The following UGGT2 variants were observed in gnomAD, a reference collection of about 807,000 sequenced individuals.
UGGT2 encodes the protein UDP-glucose:glycoprotein glucosyltransferase 2.
In UGGT2, 180 loss-of-function variants were observed where a neutral mutation model predicts 192.1. That is an observed-to-expected ratio of 0.94 (90% CI 0.83 to 1.06). UGGT2 has a LOEUF of 1.06. Among genes scored for constraint, UGGT2 ranks in the 50% least tolerant of loss-of-function variants. UGGT2 has a pLI of 0.00. For synonymous variants in UGGT2, 580 were observed against 591.0 expected (o/e 0.98, Z 0.27); for missense variants, 1,849 against 1,795.7 (o/e 1.03, Z -0.54).
At chr13:95,921,775 A>G (rs1029987823) in intron 20 of UGGT2, among the ~76,000 whole-genome samples, 9 of 152,168 alleles carry the variant, frequency 5.9e-5, no homozygotes, top group African/African-American at 1.9e-4. Context: ...AAGTCAAAAA[A>G]ATAACAGATG....
intron 1 of UGGT2, among the ~76,000 whole-genome samples, chr13:96,036,514 T>C (rs2053007929): frequency 6.6e-6 from 1 of 151,742 alleles, no homozygotes; most frequent in Non-Finnish European, 1.5e-5. Flanking sequence ...CATTTACCTA[T>C]GTAACAAACC....
At position 95,856,351 on chromosome 13, in the gene UGGT2, A is replaced by G. The variant is rs1347810385; in HGVS notation, c.3826-11T>C. The G allele has an allele frequency of 6.3e-7, 1 of 1,596,524 alleles. No homozygotes were observed. The highest frequency in any genetic ancestry group is 1.2e-5 in the South Asian group (1 of 86,534). On this transcript the variant is annotated splice_polypyrimidine_tract_variant and intron_variant, in intron 33 of 38. Transcript: ENST00000376747. ...GTGAGGAATTACTTCCTAAAAACAC[A>G]CACACAAAATCAAACAATATGTTCA...
At chr13:95,859,004 T>C (rs957375032) in intron 33 of UGGT2, among the ~76,000 whole-genome samples, 1 of 152,132 alleles carries the variant, frequency 6.6e-6, no homozygotes, top group Non-Finnish European at 1.5e-5. Flanking sequence ...GACACTAAAT[T>C]TCACGGAATT....
At chr13:96,047,175 A>G (rs1295666509) in intron 1 of UGGT2, among the ~76,000 whole-genome samples, 1 of 152,196 alleles carries the variant, frequency 6.6e-6, no homozygotes, top group African/African-American at 2.4e-5. Flanking sequence ...TGCCTCCTCA[A>G]GTGGATCCCT....
chr13:95,889,710 T>C (rs891966597), intron 25 of UGGT2, among the ~76,000 whole-genome samples: 4 of 152,222 alleles, frequency 2.6e-5, no homozygotes, highest in Admixed American at 2.6e-4. Flanking sequence ...TTTTGGAGAC[T>C]GATATCTGTC....
chr13:95,891,064 T>G (rs1264375434), intron 24 of UGGT2, 100 bp from the exon 25 acceptor site: 1 of 844,514 alleles, frequency 1.2e-6, no homozygotes, highest in Non-Finnish European at 1.8e-6. Flanking sequence ...GTTTTCTTTC[T>G]CACTAAAATT....
intron 36 of UGGT2, among the ~76,000 whole-genome samples, chr13:95,843,609 T>C (rs532385927): frequency 6.6e-6 from 1 of 152,318 alleles, no homozygotes; most frequent in East Asian, 1.9e-4. Flanking sequence ...TGTACCTTTG[T>C]CTATGATGTG....
At chr13:95,857,999 G>GTTTTTTTTTTTT (rs71113957) in intron 33 of UGGT2, among the ~76,000 whole-genome samples, 1 of 139,740 alleles carries the variant, frequency 7.2e-6, no homozygotes. Context: ...TTCTTTTTCT[G>GTTTTTTTTTTTT]TTTTTTTTTT....
Position 95,958,159 on chromosome 13 carries a change from T to G in UGGT2, c.1336-8705A>C, listed in dbSNP as rs568022021. ...CTTTGGCTCTGAGAAGGCAGAATTTTTTTTTTTTTTAAGACAGAGTCTTGC... is the reference window on the plus strand; with the variant it reads ...CTTTGGCTCTGAGAAGGCAGAATTTGTTTTTTTTTTAAGACAGAGTCTTGC... On this transcript the variant is annotated intron_variant, in intron 12 of 38. Coordinates refer to ENST00000376747, the MANE Select transcript of UGGT2 (RefSeq NM_020121.4). 9.9e-5 allele frequency among the ~76,000 whole-genome samples: 15 copies of G among 152,214 alleles called. 1 individual carries two copies. Among genetic ancestry groups the G allele is most frequent in the African/African-American group, 3.4e-4 (14 of 41,530 alleles).
rs2048158143 is a variant in UGGT2 at position 95,903,047 on chromosome 13, T to C, written c.2309A>G (p.His770Arg). The change falls in exon 21 of 39, where the codon CAT (histidine) becomes CGT (arginine). Residue 770 changes from histidine (H) to arginine (R), a missense_variant. His to Arg is a conservative substitution (Grantham distance 29, BLOSUM62 0). Coordinates refer to ENST00000376747, the MANE Select transcript of UGGT2 (RefSeq NM_020121.4). ...ATTATAAATAATCCCCAACCGACTA[T>C]GAACACTTGTTTTCTGCAAACATAT... The part of the protein sequence containing the change: ...NALKHMKTSV[H>R]SRLGIIYNPT... 3.1e-6 allele frequency: 5 copies of C among 1,610,432 alleles called. No homozygotes were observed. The highest frequency in any genetic ancestry group is 1.3e-5 in the African/African-American group (1 of 74,740).
intron 36 of UGGT2, among the ~76,000 whole-genome samples, chr13:95,847,982 C>T (rs1888643451): frequency 6.6e-6 from 1 of 152,190 alleles, no homozygotes; most frequent in Non-Finnish European, 1.5e-5. Context: ...TGTCAGTATT[C>T]TGGATTTTGG....
At chr13:95,993,089 T>G (rs2099482494) in intron 7 of UGGT2, among the ~76,000 whole-genome samples, 1 of 152,088 alleles carries the variant, frequency 6.6e-6, no homozygotes, top group Admixed American at 6.5e-5. Flanking sequence ...TCCTGCCCTT[T>G]GCAGCAACAT....
Position 95,877,808 on chromosome 13 carries a change from C to G in UGGT2, c.3277G>C (p.Glu1093Gln). 5.0e-6 allele frequency: 8 copies of G among 1,613,970 alleles called. No homozygotes were observed. Among genetic ancestry groups the G allele is most frequent in the Non-Finnish European group, 6.8e-6 (8 of 1,179,958 alleles). ...GTCACTTTATCAAAGCATTGTCCTT[C>G]CAGTAGTAAGTATTCTAGTTCATAT... ...AEYELEYLLL[E>Q]GQCFDKVTEQ... The change falls in exon 28 of 39, where the codon GAA (glutamate) becomes CAA (glutamine). Residue 1093 changes from glutamate to glutamine, a missense_variant. By Grantham distance (29) the Glu-to-Gln change is conservative (BLOSUM62 2). Transcript: ENST00000376747.
intron 5 of UGGT2, among the ~76,000 whole-genome samples, chr13:96,008,978 T>G (rs1344262973): frequency 6.6e-6 from 1 of 152,166 alleles, no homozygotes; most frequent in Non-Finnish European, 1.5e-5. Context: ...AGCATGGTAC[T>G]GGCATAAAAA....
chr13:95,904,811 A>G (rs2048231605), intron 20 of UGGT2, among the ~76,000 whole-genome samples: 1 of 151,986 alleles, frequency 6.6e-6, no homozygotes, highest in Non-Finnish European at 1.5e-5. Context: ...GTATATACCC[A>G]GTAATGGGAT....
intron 1 of UGGT2, among the ~76,000 whole-genome samples, chr13:96,041,644 C>G (rs949062858): frequency 2.0e-5 from 3 of 152,122 alleles, no homozygotes; most frequent in African/African-American, 7.2e-5. Flanking sequence ...CAGCCCTGCT[C>G]GCCCACCGCC....
intron 21 of UGGT2, 105 bp downstream of exon 21, chr13:95,902,749 T>C (rs2048144657): frequency 9.0e-7 from 1 of 1,110,474 alleles, no homozygotes; most frequent in Admixed American, 2.5e-5. Context: ...ATTATCTTCA[T>C]TTGTTTAAAT....
chr13:95,823,655 T>C (rs1352861367), intron 38 of UGGT2, among the ~76,000 whole-genome samples: 1 of 152,104 alleles, frequency 6.6e-6, no homozygotes, highest in African/African-American at 2.4e-5. Context: ...AATTCTTATA[T>C]GTTAGTTAAG....
intron 12 of UGGT2, among the ~76,000 whole-genome samples, chr13:95,951,756 TG>T (rs2050069940): frequency 6.6e-6 from 1 of 152,206 alleles, no homozygotes; most frequent in Admixed American, 6.5e-5. Context: ...TAAGCCAGCT[TG>T]GGGTTCATCA....
Sources: allele counts gnomAD v4.1 joint callset (sites outside exome capture counted in the v4.1 genomes callset), GRCh38; gene constraint gnomAD v4.1.1; transcripts MANE v1.5; gene names NCBI Gene and HGNC (gene_info 2026-07-23, HGNC 2026-07-21).